The following PI4KA variants were observed in gnomAD, a reference collection of about 807,000 sequenced individuals.
PI4KA encodes the protein PI4-kinase alpha.
A neutral mutation model predicts 271.4 loss-of-function variants in PI4KA; 122 were observed. The observed-to-expected ratio is 0.45, with a 90% CI of 0.39 to 0.52. PI4KA has a LOEUF of 0.52. PI4KA is among the 20% of genes least tolerant of loss of function. The pLI, the probability that PI4KA is intolerant of heterozygous loss-of-function variation, is 0.00. For synonymous variants in PI4KA, 1,041 were observed against 1,078.8 expected (o/e 0.96, Z 0.69); for missense variants, 1,969 against 2,769.1 (o/e 0.71, Z 6.48).
At chr22:20,857,793 T>C (rs1299052718) in intron 1 of PI4KA, among the ~76,000 whole-genome samples, 1 of 152,146 alleles carries the variant, frequency 6.6e-6, no homozygotes, top group Non-Finnish European at 1.5e-5. Context: ...AGGGAACAAA[T>C]TCAGGTCCCA....
chr22:20,853,241 GCT>G (rs1927205865), intron 1 of PI4KA, among the ~76,000 whole-genome samples: 1 of 152,192 alleles, frequency 6.6e-6, no homozygotes, highest in African/African-American at 2.4e-5. Context: ...CTACTTTGCA[GCT>G]CTGCCCATGA....
At chr22:20,794,650 A>T (rs1300307620) in intron 18 of PI4KA, among the ~76,000 whole-genome samples, 1 of 152,174 alleles carries the variant, frequency 6.6e-6, no homozygotes, top group Non-Finnish European at 1.5e-5. Flanking sequence ...GCCACTCTTC[A>T]GAGAAGCCTT....
At chr22:20,734,783 G>C (rs913324656) in intron 32 of PI4KA, 49 of 681,052 alleles carry the variant, frequency 7.2e-5, no homozygotes, top group Middle Eastern at 4.1e-4. Flanking sequence ...GTTCAACCCG[G>C]TTCACCGTGT....
In PI4KA at chr22:20,751,278, TCGTGTCGGGCCTACCTCACGGGCTTCGTA is replaced by T; in HGVS notation, c.3139_3153+14del. The T allele has an allele frequency of 6.2e-7, 1 of 1,605,900 alleles. No homozygotes were observed. The highest frequency in any genetic ancestry group is 1.1e-5 in the South Asian group (1 of 90,800). Reference sequence around the variant, plus strand: ...TAAAGATGGCCCTTAGTGCAGGGGATCGTGTCGGGCCTACCTCACGGGCTTCGTACGTGTCAGGAACCGTGATCCGGTAG... The same window carrying T: ...TAAAGATGGCCCTTAGTGCAGGGGATCGTGTCAGGAACCGTGATCCGGTAG... On this transcript the variant is annotated splice_donor_variant and splice_donor_5th_base_variant and coding_sequence_variant and intron_variant, in exon 27 of 55. Transcript: ENST00000255882. LOFTEE classifies it high-confidence loss of function.
Position 20,733,770 on chromosome 22 carries a change from C to T in PI4KA, c.4126G>A (p.Glu1376Lys), listed in dbSNP as rs1189930663. 3.7e-6 allele frequency: 6 copies of T among 1,613,310 alleles called. No individual in the cohort carries two copies. The highest frequency in any genetic ancestry group is 1.7e-6 in the Non-Finnish European group (2 of 1,179,840). The change falls in exon 35 of 55, where the codon GAG becomes AAG. Residue 1376 changes from glutamate to lysine, a missense_variant. Coordinates refer to ENST00000255882, the MANE Select transcript of PI4KA (RefSeq NM_058004.4). ...PNATIRNVLR[E>K]KIYSTAFDYF... ...TCAAAGGCAGTGGAGTAGATCTTCT[C>T]GCGAAGCACATTGCGGATGGTTGCA...
intron 19 of PI4KA, among the ~76,000 whole-genome samples, chr22:20,784,424 G>A (rs1247694340): frequency 6.6e-6 from 1 of 152,124 alleles, no homozygotes; most frequent in Non-Finnish European, 1.5e-5. Flanking sequence ...GAGATGATTA[G>A]AGAGCATTCA....
intron 30 of PI4KA, 122 bp downstream of exon 30, chr22:20,744,506 C>T: frequency 1.5e-6 from 1 of 665,014 alleles, no homozygotes; most frequent in South Asian, 1.9e-5. Context: ...TTAAATCCTC[C>T]TAAAATATGT....
At chr22:20,790,076 G>T (rs559885517) in intron 19 of PI4KA, among the ~76,000 whole-genome samples, 1 of 152,302 alleles carries the variant, frequency 6.6e-6, no homozygotes, top group Non-Finnish European at 1.5e-5. Context: ...AACAAGCTAA[G>T]TAACAACTGA....
At chr22:20,804,464 T>C (rs878881660) in intron 11 of PI4KA, 64 bp from the exon 12 acceptor site, 3 of 1,096,142 alleles carry the variant, frequency 2.7e-6, no homozygotes, top group South Asian at 2.5e-5. Flanking sequence ...AACACACTTA[T>C]CCACCAAGTA....
chr22:20,836,425 G>A (rs564668968), intron 2 of PI4KA, among the ~76,000 whole-genome samples: 23 of 152,318 alleles, frequency 1.5e-4, no homozygotes, highest in South Asian at 6.2e-4. Flanking sequence ...GACATCTGTC[G>A]AGGATCCTAG....
rs1302452121 is a variant in PI4KA at position 20,709,683 on chromosome 22, C to T, written c.6173+225G>A. Among the ~76,000 whole-genome samples, 5 of 71,146 alleles carry T rather than the reference C, an allele frequency of 7.0e-5. No homozygotes were observed. In the East Asian group the frequency reaches 1.3e-3, roughly 19 times the overall value. The allele number at this position is 71,146 out of a possible 152,430, so 46.7% of individuals were successfully genotyped here. On this transcript the variant is annotated intron_variant, in intron 53 of 54. Coordinates refer to ENST00000255882, the MANE Select transcript of PI4KA (RefSeq NM_058004.4). ...GGTGGGTTGGGCGTAGCATCCTTGA[C>T]ATAAAGAGGCCCCTGGGTGGGTCTC...
chr22:20,779,324 AT>A, intron 19 of PI4KA: 1 of 1,614,214 alleles, frequency 6.2e-7, no homozygotes, highest in East Asian at 2.2e-5. Flanking sequence ...TGAAACACTC[AT>A]TAAACGCACT....
chr22:20,812,843 G>A lies in PI4KA; in HGVS notation c.1005+515C>T, dbSNP rs117350458. Reference sequence around the variant, plus strand: ...AGTTGGGATTACTGGCATGAGCCACGGCGTCCAACCAGGGTCCCTGAATCT... The same window carrying A: ...AGTTGGGATTACTGGCATGAGCCACAGCGTCCAACCAGGGTCCCTGAATCT... On this transcript the variant is annotated intron_variant, in intron 8 of 54. Transcript: ENST00000255882. Among the ~76,000 whole-genome samples, 910 of 152,146 alleles carry A rather than the reference G, an allele frequency of 6.0e-3. 8 individuals carry two copies. The highest frequency in any genetic ancestry group is 0.056 in the East Asian group (287 of 5,170).
intron 19 of PI4KA, among the ~76,000 whole-genome samples, chr22:20,781,861 A>G (rs998568727): frequency 3.3e-5 from 5 of 152,152 alleles, no homozygotes; most frequent in Non-Finnish European, 7.4e-5. Flanking sequence ...CAACATCTCT[A>G]TGACTCAGTT....
intron 19 of PI4KA, among the ~76,000 whole-genome samples, chr22:20,773,602 T>C (rs184841449): frequency 3.5e-4 from 53 of 152,306 alleles, no homozygotes; most frequent in African/African-American, 1.2e-3. Flanking sequence ...CCCCTTATTC[T>C]GTAAGCCACT....
chr22:20,797,291 GA>G (rs1935042288), intron 17 of PI4KA, among the ~76,000 whole-genome samples: 1 of 152,178 alleles, frequency 6.6e-6, no homozygotes, highest in South Asian at 2.1e-4. Context: ...AGCCAGAACT[GA>G]AGAACTGGAA....
At chr22:20,775,121 T>C (rs1169813926) in intron 19 of PI4KA, among the ~76,000 whole-genome samples, 1 of 152,160 alleles carries the variant, frequency 6.6e-6, no homozygotes, top group African/African-American at 2.4e-5. Context: ...TCAAGTGTTA[T>C]GCTCTGATGC....
At chr22:20,760,192 T>G (rs899903137) in intron 23 of PI4KA, among the ~76,000 whole-genome samples, 5 of 152,238 alleles carry the variant, frequency 3.3e-5, no homozygotes, top group Non-Finnish European at 2.9e-5. Flanking sequence ...CCTCAAAGAA[T>G]TTATTCATAC....
At chr22:20,737,321 A>G (rs147824052) in intron 32 of PI4KA, among the ~76,000 whole-genome samples, 129 of 152,218 alleles carry the variant, frequency 8.5e-4, no homozygotes, top group African/African-American at 3.0e-3. Flanking sequence ...AAGACCCAGA[A>G]CTCTGAAGGA....
Sources: allele counts gnomAD v4.1 joint callset (sites outside exome capture counted in the v4.1 genomes callset), GRCh38; gene constraint gnomAD v4.1.1; transcripts MANE v1.5; gene names NCBI Gene and HGNC (gene_info 2026-07-23, HGNC 2026-07-21).